The following MCC variants were observed in gnomAD, a reference collection of about 807,000 sequenced individuals.
The protein encoded by MCC is colorectal mutant cancer protein.
Under a neutral mutation model 116.2 loss-of-function variants are expected in MCC, and 90 were observed. That is an observed-to-expected ratio of 0.77 (90% CI 0.65 to 0.92). MCC has a LOEUF of 0.92. MCC is among the 40% of genes least tolerant of loss of function. The pLI, the probability that MCC is intolerant of heterozygous loss-of-function variation, is 0.00. For synonymous variants in MCC, 578 were observed against 510.5 expected (o/e 1.13, Z -1.78); for missense variants, 1,516 against 1,312.2 (o/e 1.16, Z -2.40).
At position 113,025,835 on chromosome 5, in the gene MCC, T is replaced by A. The variant is rs904188891; in HGVS notation, c.*1467A>T. On this transcript the variant is annotated 3_prime_UTR_variant, in exon 19 of 19. Coordinates refer to ENST00000408903, the MANE Select transcript of MCC (RefSeq NM_001085377.2). ...GTATCCTCCAGCGAACAGAAGGCTG[T>A]GGAATTTGTATCATGCTCTGAAAAT... is the stretch of plus-strand genomic sequence containing the variant. The A allele has an allele frequency of 2.0e-5, 3 of 152,148 alleles. No individual in the cohort carries two copies. The highest frequency in any genetic ancestry group is 7.2e-5 in the African/African-American group (3 of 41,426). The allele number at this position is 152,148 out of a possible 1,614,324, so 9.4% of individuals were successfully genotyped here.
At chr5:113,083,560 C>T (rs1051277848) in intron 10 of MCC, among the ~76,000 whole-genome samples, 2 of 152,152 alleles carry the variant, frequency 1.3e-5, no homozygotes, top group Non-Finnish European at 2.9e-5. Flanking sequence ...CTAAAAGATC[C>T]CTTAAAGAAA....
At chr5:113,249,007 C>T (rs182877191) in intron 3 of MCC, among the ~76,000 whole-genome samples, 1 of 152,042 alleles carries the variant, frequency 6.6e-6, no homozygotes, top group Non-Finnish European at 1.5e-5. Context: ...CCATGCCTGG[C>T]TAATTTTTGT....
intron 1 of MCC, among the ~76,000 whole-genome samples, chr5:113,442,397 A>G (rs190828555): frequency 6.6e-6 from 1 of 152,154 alleles, no homozygotes; most frequent in East Asian, 1.9e-4. Context: ...TCTGGATATT[A>G]GCCCTTTGTC....
chr5:113,036,675 G>A (rs1751351305), intron 17 of MCC, among the ~76,000 whole-genome samples: 1 of 152,212 alleles, frequency 6.6e-6, no homozygotes, highest in Non-Finnish European at 1.5e-5. Context: ...AGTTTTCACA[G>A]GCCTTGCCAG....
intron 3 of MCC, among the ~76,000 whole-genome samples, chr5:113,210,865 G>A (rs1763110077): frequency 6.6e-6 from 1 of 152,140 alleles, no homozygotes; most frequent in African/African-American, 2.4e-5. Context: ...CTCCAAAGAT[G>A]TTCTGCTGTC....
chr5:113,381,522 G>T (rs1769119754), intron 2 of MCC, among the ~76,000 whole-genome samples: 1 of 152,142 alleles, frequency 6.6e-6, no homozygotes, highest in African/African-American at 2.4e-5. Flanking sequence ...GCATGGTGGT[G>T]CTTGCCTGTA....
At chr5:113,057,911 A>G (rs1752948089) in intron 14 of MCC, among the ~76,000 whole-genome samples, 1 of 152,232 alleles carries the variant, frequency 6.6e-6, no homozygotes, top group Non-Finnish European at 1.5e-5. Context: ...CAGCCTCGAC[A>G]TGTTTAGACA....
chr5:113,284,309 C>G (rs1335278445), intron 3 of MCC, among the ~76,000 whole-genome samples: 2 of 152,192 alleles, frequency 1.3e-5, no homozygotes, highest in Non-Finnish European at 2.9e-5. Flanking sequence ...TTACTGTACT[C>G]CAGCCTGCAA....
intron 5 of MCC, 26 bp downstream of exon 5, chr5:113,143,192 A>G: frequency 6.4e-7 from 1 of 1,573,826 alleles, no homozygotes; most frequent in East Asian, 2.3e-5. Context: ...GAAGGGGCAG[A>G]GTAAAAGCCG....
rs369721467 is a variant in MCC, at chr5:113,122,700, C to T, written c.1011G>A (p.Met337Ile). The T allele has an allele frequency of 2.7e-5, 43 of 1,613,988 alleles. No homozygotes were observed. In the South Asian group the frequency reaches 3.0e-4, roughly 11 times the overall value. The change falls in exon 6 of 19, where the codon ATG (methionine) becomes ATA (isoleucine). Residue 337 changes from methionine to isoleucine, a missense_variant. Coordinates refer to ENST00000408903, the MANE Select transcript of MCC (RefSeq NM_001085377.2). Reference protein sequence around the residue: ...SVSIPENQSTMVTADMDNCSD... With the variant: ...SVSIPENQSTIVTADMDNCSD... ...CAGACTCACCCATGTCAGCAGTAAC[C>T]ATGGTAGACTGGTTTTCGGGGATAG...
chr5:113,369,082 T>G (rs1020284634), intron 2 of MCC, among the ~76,000 whole-genome samples: 1 of 152,174 alleles, frequency 6.6e-6, no homozygotes, highest in African/African-American at 2.4e-5. Context: ...ATGCCCTGTG[T>G]TCAGCTATCC....
At chr5:113,416,003 T>A (rs573242651) in intron 1 of MCC, among the ~76,000 whole-genome samples, 1 of 152,306 alleles carries the variant, frequency 6.6e-6, no homozygotes, top group African/African-American at 2.4e-5. Context: ...TGTTGTTTGT[T>A]AGTTTCCTTC....
At chr5:113,316,212 TG>T (rs1367382222) in intron 3 of MCC, among the ~76,000 whole-genome samples, 1 of 147,660 alleles carries the variant, frequency 6.8e-6, no homozygotes, top group Non-Finnish European at 1.5e-5. Context: ...GCTGAGATCA[TG>T]CCACTGCACT....
At chr5:113,451,270 A>G (rs1280401634) in intron 1 of MCC, among the ~76,000 whole-genome samples, 2 of 152,268 alleles carry the variant, frequency 1.3e-5, no homozygotes, top group African/African-American at 4.8e-5. Flanking sequence ...AAAGGCCCTC[A>G]GATAAAGCAA....
chr5:113,370,416 G>T (rs1012617485), intron 2 of MCC, among the ~76,000 whole-genome samples: 6 of 152,138 alleles, frequency 3.9e-5, no homozygotes, highest in Admixed American at 1.3e-4. Flanking sequence ...TAACAGAAAC[G>T]TCACAAAACT....
chr5:113,479,073 TA>T (rs1215087493), intron 1 of MCC, among the ~76,000 whole-genome samples: 1 of 152,112 alleles, frequency 6.6e-6, no homozygotes, highest in Non-Finnish European at 1.5e-5. Flanking sequence ...AGATACAACC[TA>T]AATGTCCATC....
At chr5:113,136,153 A>C (rs1029019575) in intron 5 of MCC, among the ~76,000 whole-genome samples, 2 of 152,204 alleles carry the variant, frequency 1.3e-5, no homozygotes, top group African/African-American at 4.8e-5. Flanking sequence ...ATTGCTTCTG[A>C]TTACAGGCTA....
chr5:113,262,118 T>C (rs954352367), intron 3 of MCC, among the ~76,000 whole-genome samples: 6 of 152,124 alleles, frequency 3.9e-5, no homozygotes, highest in Non-Finnish European at 7.4e-5. Flanking sequence ...ACGAGGTCCA[T>C]GCAAAACAAA....
chr5:113,141,938 G>A (rs1231972263), intron 5 of MCC, among the ~76,000 whole-genome samples: 1 of 152,132 alleles, frequency 6.6e-6, no homozygotes, highest in African/African-American at 2.4e-5. Flanking sequence ...CCTATGCCAG[G>A]CTCCTTTACA....
Sources: gnomAD v4.1 joint callset for allele counts (sites outside exome capture counted in the v4.1 genomes callset) on GRCh38, gnomAD v4.1.1 for gene constraint, MANE v1.5 for transcripts, NCBI Gene and HGNC (gene_info 2026-07-23, HGNC 2026-07-21) for gene names.